The following LRCH1 variants were observed in gnomAD, a reference collection of about 807,000 sequenced individuals.
LRCH1 encodes the protein leucine-rich repeat and calponin homology domain-containing protein 1.
A neutral mutation model predicts 94.9 loss-of-function variants in LRCH1; 23 were observed. The observed-to-expected ratio is 0.24, with a 90% CI of 0.17 to 0.34. The LOEUF is 0.34. LRCH1 is among the 10% of genes least tolerant of loss of function. LRCH1 has a pLI of 1.00. For synonymous variants in LRCH1, 364 were observed against 354.9 expected (o/e 1.03, Z -0.29); for missense variants, 790 against 945.9 (o/e 0.84, Z 2.16).
At chr13:46,563,164 T>C (rs1367074877) in intron 1 of LRCH1, among the ~76,000 whole-genome samples, 1 of 152,232 alleles carries the variant, frequency 6.6e-6, no homozygotes. Flanking sequence ...AACTAATCAA[T>C]ATCTTTTGAG....
At chr13:46,642,247 A>AT (rs1228340073) in intron 1 of LRCH1, among the ~76,000 whole-genome samples, 6 of 151,642 alleles carry the variant, frequency 4.0e-5, no homozygotes, top group Admixed American at 1.3e-4. Context: ...TGGGTCAGTC[A>AT]TTTTTTTTTC....
intron 13 of LRCH1, among the ~76,000 whole-genome samples, chr13:46,706,008 A>C (rs1303003484): frequency 6.6e-6 from 1 of 152,234 alleles, no homozygotes; most frequent in Non-Finnish European, 1.5e-5. Context: ...TTAGGCACCA[A>C]GATTGTGTAC....
chr13:46,561,625 A>G (rs912757050), intron 1 of LRCH1, among the ~76,000 whole-genome samples: 1 of 152,216 alleles, frequency 6.6e-6, no homozygotes, highest in Non-Finnish European at 1.5e-5. Context: ...GATCTGGTTC[A>G]GTCAGCTTAG....
At chr13:46,641,170 G>A (rs959950485) in intron 1 of LRCH1, among the ~76,000 whole-genome samples, 8 of 152,138 alleles carry the variant, frequency 5.3e-5, no homozygotes, top group African/African-American at 1.9e-4. Flanking sequence ...GTCAGACACC[G>A]AGGACATTGC....
At chr13:46,676,115 G>A (rs139424103) in intron 3 of LRCH1, among the ~76,000 whole-genome samples, 2,809 of 152,258 alleles carry the variant, frequency 0.018, 45 homozygotes, top group East Asian at 0.07. Context: ...ACAAAAATTA[G>A]CCAGGCATGG....
At chr13:46,705,564 T>G in intron 13 of LRCH1, 1 of 610,420 alleles carries the variant, frequency 1.6e-6, no homozygotes, top group Non-Finnish European at 3.0e-6. Context: ...CCTCAGATCA[T>G]CTTGCTGAGT....
intron 1 of LRCH1, among the ~76,000 whole-genome samples, chr13:46,634,788 T>C (rs1332767661): frequency 6.6e-6 from 1 of 152,222 alleles, no homozygotes; most frequent in Non-Finnish European, 1.5e-5. Flanking sequence ...GTGTGTCTCA[T>C]TGATAGCAGA....
chr13:46,732,845 G>A (rs900218576), intron 18 of LRCH1, among the ~76,000 whole-genome samples: 14 of 152,176 alleles, frequency 9.2e-5, no homozygotes, highest in African/African-American at 3.1e-4. Context: ...CAAAACCACC[G>A]AAGCAGCTGC....
chr13:46,650,226 A>G lies in LRCH1; in HGVS notation c.333A>G (p.Glu111=), dbSNP rs1465039883. The G allele has an allele frequency of 6.2e-7, 1 of 1,612,118 alleles. No individual in the cohort carries two copies. Among genetic ancestry groups the G allele is most frequent in the Admixed American group, 1.7e-5 (1 of 59,774 alleles). ...ACTTATCTAAAAACAGACTGGTTGAAGTTCCAATGGAATTGTGCCATTTTG... is the reference window on the plus strand; with the variant it reads ...ACTTATCTAAAAACAGACTGGTTGAGGTTCCAATGGAATTGTGCCATTTTG... ...QADLSKNRLV[E]VPMELCHFVS... Residue 111 remains glutamate, a synonymous_variant, in exon 2 of 20, where the codon GAA becomes GAG. Transcript: ENST00000389797.
exon 19 of LRCH1, chr13:46,752,164 G>C (rs1421671705): frequency 6.6e-6 from 1 of 152,332 alleles, no homozygotes; most frequent in Non-Finnish European, 1.5e-5. Context: ...GAACACGGCA[G>C]CCTTCTGCAG....
chr13:46,578,471 G>A (rs1401353584), intron 1 of LRCH1, among the ~76,000 whole-genome samples: 2 of 152,174 alleles, frequency 1.3e-5, no homozygotes, highest in Non-Finnish European at 2.9e-5. Flanking sequence ...GCTGGAGCCT[G>A]GTAATGTACA....
chr13:46,701,014 C>A, intron 10 of LRCH1, 107 bp from the exon 11 acceptor site: 1 of 723,312 alleles, frequency 1.4e-6, no homozygotes, highest in Non-Finnish European at 2.4e-6. Context: ...CTGTCGAAAT[C>A]ATTTTCATAT....
In LRCH1 at chr13:46,743,832, T is replaced by G; in HGVS notation, c.*1984T>G. 1.0e-6 allele frequency: 1 copy of G among 983,910 alleles called. No homozygotes were observed. The highest frequency in any genetic ancestry group is 1.2e-6 in the Non-Finnish European group (1 of 828,546). The allele number at this position is 983,910 out of a possible 1,614,324, so 60.9% of individuals were successfully genotyped here. A position where few individuals can be genotyped will look rare whatever the true frequency, so the allele number is the denominator to read the frequency against. ...TAAGAGTAGATTTAATTTTCAGTGTTGATATAGTTCAATTAAAACATGTTA... is the reference window on the plus strand; with the variant it reads ...TAAGAGTAGATTTAATTTTCAGTGTGGATATAGTTCAATTAAAACATGTTA... On this transcript the variant is annotated 3_prime_UTR_variant, in exon 20 of 20. Transcript: ENST00000389797.
At chr13:46,606,148 A>ATGTGTGTGTGTGTGTGTGTGTG (rs3991577) in intron 1 of LRCH1, among the ~76,000 whole-genome samples, 3 of 148,618 alleles carry the variant, frequency 2.0e-5, no homozygotes, top group Admixed American at 6.7e-5. Flanking sequence ...TTTTAACCTT[A>ATGTGTGTGTGTGTGTGTGTGTG]TGTGTGTGTG....
intron 1 of LRCH1, among the ~76,000 whole-genome samples, chr13:46,594,908 ACT>A (rs1409924304): frequency 5.9e-5 from 9 of 152,036 alleles, no homozygotes; most frequent in Admixed American, 5.2e-4. Flanking sequence ...AACCTGATTG[ACT>A]CTAGTTTATG....
intron 1 of LRCH1, among the ~76,000 whole-genome samples, chr13:46,572,040 C>T (rs2050247216): frequency 6.6e-6 from 1 of 152,034 alleles, no homozygotes; most frequent in Non-Finnish European, 1.5e-5. Context: ...ATGCTGGGGA[C>T]GTGCATCTGT....
chr13:46,692,408 G>T, intron 7 of LRCH1, 128 bp from the exon 8 acceptor site: 9 of 618,802 alleles, frequency 1.5e-5, no homozygotes, highest in South Asian at 5.2e-5. Flanking sequence ...ATTGACCTTT[G>T]TATCTGGCAA....
At position 46,589,836 on chromosome 13, in the gene LRCH1, G is replaced by A. The variant is rs978357222; in HGVS notation, c.307+36133G>A. On this transcript the variant is annotated intron_variant, in intron 1 of 19. Coordinates refer to ENST00000389797, the MANE Select transcript of LRCH1 (RefSeq NM_001164211.2). ...GGCTGGTCTCGAACTCCTGACCTCA[G>A]GTGATCCAATGGCCTTGGCTTCACA... Among the ~76,000 whole-genome samples, 13 of 151,642 alleles carry A rather than the reference G, an allele frequency of 8.6e-5. 1 individual carries two copies. The highest frequency in any genetic ancestry group is 3.1e-4 in the African/African-American group (13 of 41,358).
intron 1 of LRCH1, among the ~76,000 whole-genome samples, chr13:46,610,612 T>C (rs1186507318): frequency 6.6e-6 from 1 of 152,062 alleles, no homozygotes; most frequent in South Asian, 2.1e-4. Flanking sequence ...CTTAGAACAA[T>C]GGTCTCCAGT....
Sources: allele counts gnomAD v4.1 joint callset (sites outside exome capture counted in the v4.1 genomes callset), GRCh38; gene constraint gnomAD v4.1.1; transcripts MANE v1.5; gene names NCBI Gene and HGNC (gene_info 2026-07-23, HGNC 2026-07-21).